The following RPS29 variants were observed in gnomAD, a reference collection of about 807,000 sequenced individuals.
RPS29 encodes small ribosomal subunit protein uS14.
For missense variants in RPS29, 60 were observed against 75.7 expected (o/e 0.79, Z 0.77); for synonymous variants, 37 against 26.9 (o/e 1.37, Z -1.16).
At chr14:49,582,012 C>CCCAAA (rs71115379), downstream of RPS29, among the ~76,000 whole-genome samples, 1 of 106,534 alleles carries the variant, frequency 9.4e-6, no homozygotes, top group Non-Finnish European at 1.8e-5. Flanking sequence ...CCCTGCCCCC[C>CCCAAA]AAAAAAAAAA....
At chr14:49,586,452 CG>C, upstream of RPS29, 1 of 985,904 alleles carries the variant, frequency 1.0e-6, no homozygotes, top group Non-Finnish European at 1.6e-6. Flanking sequence ...AAAGGAAACG[CG>C]TGCGCAGTGT....
chr14:49,587,596 G>A (rs1481288926), upstream of RPS29, among the ~76,000 whole-genome samples: 2 of 152,140 alleles, frequency 1.3e-5, no homozygotes, highest in African/African-American at 4.8e-5. Context: ...AGGAAGGAGG[G>A]GAGTCAGAGA....
chr14:49,580,679 C>CTTT (rs1881308567), downstream of RPS29, among the ~76,000 whole-genome samples: 1 of 152,032 alleles, frequency 6.6e-6, no homozygotes, highest in African/African-American at 2.4e-5. Context: ...CAAAAGCAGC[C>CTTT]TGGCCAACAT....
intron 2 of RPS29, among the ~76,000 whole-genome samples, chr14:49,584,253 A>G (rs1881437685): frequency 6.6e-6 from 1 of 152,236 alleles, no homozygotes; most frequent in Admixed American, 6.5e-5. Context: ...CTGGGATTTC[A>G]GGTGTGAGGC....
chr14:49,580,467 A>G (rs113664996), downstream of RPS29, among the ~76,000 whole-genome samples: 1 of 152,204 alleles, frequency 6.6e-6, no homozygotes, highest in African/African-American at 2.4e-5. Flanking sequence ...CAGGGTTAGG[A>G]GCACAGGTGG....
At chr14:49,596,065 C>T (rs952419074) in intron 1 of RPS29, among the ~76,000 whole-genome samples, 2 of 151,820 alleles carry the variant, frequency 1.3e-5, no homozygotes, top group Non-Finnish European at 2.9e-5. Context: ...CTGTTGAATG[C>T]CTAGTATGTG....
chr14:49,585,835 C>G (rs1881526499), intron 2 of RPS29, 115 bp downstream of exon 2: 1 of 761,688 alleles, frequency 1.3e-6, no homozygotes. Context: ...AGCTCTTGGT[C>G]GAATGCTCAG....
At chr14:49,580,088 T>C (rs1381137255), downstream of RPS29, among the ~76,000 whole-genome samples, 2 of 152,154 alleles carry the variant, frequency 1.3e-5, no homozygotes, top group Non-Finnish European at 2.9e-5. Flanking sequence ...AGTGTTTCCC[T>C]TCCATTACCT....
At chr14:49,595,178 A>G (rs1479911493) in intron 1 of RPS29, among the ~76,000 whole-genome samples, 1 of 151,756 alleles carries the variant, frequency 6.6e-6, no homozygotes, top group Admixed American at 6.6e-5. Context: ...ATTTAGCTGT[A>G]TTGAGTCTTA....
chr14:49,595,120 T>G (rs1460403718), intron 1 of RPS29, among the ~76,000 whole-genome samples: 1 of 152,190 alleles, frequency 6.6e-6, no homozygotes, highest in Non-Finnish European at 1.5e-5. Flanking sequence ...TTTTTTCCCT[T>G]TTTTGAGACT....
chr14:49,593,114 A>T (rs1881751072), intron 1 of RPS29, among the ~76,000 whole-genome samples: 1 of 152,198 alleles, frequency 6.6e-6, no homozygotes, highest in Non-Finnish European at 1.5e-5. Flanking sequence ...TTATCCCAAC[A>T]CAAGCCGTAT....
downstream of RPS29, among the ~76,000 whole-genome samples, chr14:49,579,476 A>C (rs778646004): frequency 3.9e-5 from 6 of 152,214 alleles, no homozygotes; most frequent in Non-Finnish European, 8.8e-5. Flanking sequence ...CCAAGGCAAG[A>C]GGATCACTTG....
intron 2 of RPS29, among the ~76,000 whole-genome samples, chr14:49,584,512 C>T (rs1001739755): frequency 1.3e-5 from 2 of 152,184 alleles, no homozygotes; most frequent in Non-Finnish European, 2.9e-5. Context: ...CGCCTGTAAT[C>T]CCAGCACTCT....
chr14:49,582,012 C>CAAAAAAAA (rs58507206), downstream of RPS29, among the ~76,000 whole-genome samples: 48 of 106,484 alleles, frequency 4.5e-4, no homozygotes, highest in South Asian at 1.0e-3. Flanking sequence ...CCCTGCCCCC[C>CAAAAAAAA]AAAAAAAAAA....
At position 49,583,619 on chromosome 14, in the gene RPS29, G is replaced by C. The variant is rs2139509997; in HGVS notation, c.*48C>G. ...ATTTTATATACAAAGAATTATCATG[G>C]TTTTTCATTGAGTAGATGCCCCGGA... On this transcript the variant is annotated 3_prime_UTR_variant, in exon 3 of 3. Transcript: ENST00000245458. 6.4e-7 allele frequency: 1 copy of C among 1,569,584 alleles called. No individual in the cohort carries two copies. The highest frequency in any genetic ancestry group is 8.6e-7 in the Non-Finnish European group (1 of 1,161,172).
At chr14:49,582,959 A>G (rs1197092792), downstream of RPS29, among the ~76,000 whole-genome samples, 1 of 152,168 alleles carries the variant, frequency 6.6e-6, no homozygotes, top group Non-Finnish European at 1.5e-5. Flanking sequence ...CAGATGACAG[A>G]CCCTGTATCT....
chr14:49,589,569 C>T (rs902951362), upstream of RPS29, among the ~76,000 whole-genome samples: 5 of 152,302 alleles, frequency 3.3e-5, no homozygotes, highest in East Asian at 7.7e-4. Flanking sequence ...TCATCTTAGA[C>T]GTATACACTG....
upstream of RPS29, among the ~76,000 whole-genome samples, chr14:49,587,142 T>G (rs2139516190): frequency 6.6e-6 from 1 of 152,194 alleles, no homozygotes; most frequent in Non-Finnish European, 1.5e-5. Flanking sequence ...GACACACTCC[T>G]CCAAGAAATA....
chr14:49,580,106 T>TG (rs1386876748), downstream of RPS29, among the ~76,000 whole-genome samples: 1 of 152,176 alleles, frequency 6.6e-6, no homozygotes, highest in Non-Finnish European at 1.5e-5. Flanking sequence ...CCTAAGGCAC[T>TG]GCACGTCTCT....
Sources: allele counts gnomAD v4.1 joint callset (sites outside exome capture counted in the v4.1 genomes callset), GRCh38; gene constraint gnomAD v4.1.1; transcripts MANE v1.5; gene names NCBI Gene and HGNC (gene_info 2026-07-23, HGNC 2026-07-21).